CCSER1: variants seen among roughly 807,000 people sequenced by gnomAD.
CCSER1 encodes coiled-coil serine rich protein 1.
CCSER1 carries 41 observed loss-of-function variants against 82.0 expected under a neutral mutation model. The observed-to-expected ratio is 0.50, with a 90% confidence interval of 0.39 to 0.65. The LOEUF (loss-of-function observed/expected upper bound fraction) is 0.65. CCSER1 is among the 30% of genes least tolerant of loss of function. CCSER1 has a pLI of 0.00. For synonymous variants in CCSER1, 414 were observed against 383.9 expected (o/e 1.08, Z -0.92); for missense variants, 1,119 against 1,064.2 (o/e 1.05, Z -0.72).
chr4:90,769,880 T>C (rs1751813251), intron 7 of CCSER1, among the ~76,000 whole-genome samples: 2 of 152,180 alleles, frequency 1.3e-5, no homozygotes, highest in South Asian at 4.1e-4. Context: ...ACGCAGAGTA[T>C]AGTGATCCTC....
At chr4:90,535,388 CA>C (rs1775187104) in intron 5 of CCSER1, among the ~76,000 whole-genome samples, 1 of 151,920 alleles carries the variant, frequency 6.6e-6, no homozygotes, top group Non-Finnish European at 1.5e-5. Context: ...AATTTAAGAC[CA>C]GACCGGACAA....
chr4:90,429,669 G>T (rs1168047991), intron 4 of CCSER1, among the ~76,000 whole-genome samples: 2 of 151,880 alleles, frequency 1.3e-5, no homozygotes, highest in East Asian at 3.9e-4. Flanking sequence ...TATTTTAAGT[G>T]ACATAAGCAG....
intron 5 of CCSER1, among the ~76,000 whole-genome samples, chr4:90,511,992 G>A (rs1307037766): frequency 1.3e-5 from 2 of 152,046 alleles, no homozygotes; most frequent in South Asian, 2.1e-4. Flanking sequence ...TGAGAGTGAG[G>A]ATGAGATAAG....
intron 1 of CCSER1, among the ~76,000 whole-genome samples, chr4:90,260,391 A>G (rs2153448144): frequency 6.6e-6 from 1 of 152,114 alleles, no homozygotes; most frequent in East Asian, 1.9e-4. Context: ...CTGCTATCTC[A>G]TTTCTTTGGT....
At chr4:91,188,286 TCTATAACAATA>T (rs1456834176) in intron 10 of CCSER1, among the ~76,000 whole-genome samples, 10 of 152,304 alleles carry the variant, frequency 6.6e-5, no homozygotes, top group Non-Finnish European at 1.0e-4. Context: ...GGAAACATTG[TCTATAACAATA>T]CTATATGAGG....
intron 8 of CCSER1, among the ~76,000 whole-genome samples, chr4:90,852,827 T>C (rs1016418091): frequency 6.6e-6 from 1 of 152,184 alleles, no homozygotes; most frequent in Non-Finnish European, 1.5e-5. Flanking sequence ...TTCAGAAACA[T>C]ATAAAAGTTT....
chr4:91,402,508 T>C (rs1420431793), intron 10 of CCSER1, among the ~76,000 whole-genome samples: 1 of 152,196 alleles, frequency 6.6e-6, no homozygotes, highest in East Asian at 1.9e-4. Context: ...GGTTTTCTTC[T>C]AGAATTTTTA....
At chr4:90,750,106 G>C (rs538395761) in intron 7 of CCSER1, among the ~76,000 whole-genome samples, 12 of 151,970 alleles carry the variant, frequency 7.9e-5, no homozygotes, top group Middle Eastern at 3.4e-3. Context: ...AGAAGTGTCT[G>C]TTCATGTCCT....
intron 10 of CCSER1, among the ~76,000 whole-genome samples, chr4:91,207,193 A>C (rs1485371859): frequency 1.3e-5 from 2 of 151,836 alleles, no homozygotes; most frequent in East Asian, 3.9e-4. Flanking sequence ...AGAAGGAACA[A>C]TTAAGAGTTT....
chr4:90,591,394 C>G (rs1371791299), intron 5 of CCSER1, among the ~76,000 whole-genome samples: 6 of 152,122 alleles, frequency 3.9e-5, no homozygotes, highest in Non-Finnish European at 5.9e-5. Context: ...AGACACTTCT[C>G]AAAAGAAGAC....
intron 5 of CCSER1, among the ~76,000 whole-genome samples, chr4:90,535,528 C>A (rs1329871019): frequency 6.6e-6 from 1 of 152,134 alleles, no homozygotes; most frequent in Non-Finnish European, 1.5e-5. Flanking sequence ...ATATTGTTTA[C>A]ACTTAGCACA....
At chr4:91,116,710 G>A (rs1726644985) in intron 10 of CCSER1, among the ~76,000 whole-genome samples, 1 of 152,176 alleles carries the variant, frequency 6.6e-6, no homozygotes, top group Non-Finnish European at 1.5e-5. Flanking sequence ...GTTTAGGAAG[G>A]ATAGGAATAA....
intron 8 of CCSER1, among the ~76,000 whole-genome samples, chr4:90,850,204 A>G (rs1285438518): frequency 3.3e-5 from 5 of 152,198 alleles, no homozygotes; most frequent in Non-Finnish European, 7.4e-5. Context: ...TAGATTTCAG[A>G]GGATGTATGG....
At chr4:91,132,388 T>G (rs1728073899) in intron 10 of CCSER1, among the ~76,000 whole-genome samples, 1 of 152,208 alleles carries the variant, frequency 6.6e-6, no homozygotes, top group Non-Finnish European at 1.5e-5. Context: ...AATGCAGCAC[T>G]GCATCTAAAT....
chr4:91,517,124 T>C (rs1044118612), intron 10 of CCSER1, among the ~76,000 whole-genome samples: 2 of 152,174 alleles, frequency 1.3e-5, no homozygotes, highest in African/African-American at 4.8e-5. Flanking sequence ...TTTCAAGTTA[T>C]AGAATCCTGT....
chr4:91,391,031 C>T lies in CCSER1; in HGVS notation c.2218-207541C>T, dbSNP rs1022050987. ...GATCTTTTCAAGGATCATCTTTTGG[C>T]TTTGTTGATTTTCTCTATTTCCTGT... On this transcript the variant is annotated intron_variant, in intron 10 of 10. Coordinates refer to ENST00000509176, the MANE Select transcript of CCSER1 (RefSeq NM_001145065.2). Among the ~76,000 whole-genome samples, 18 of 151,552 alleles carry T rather than the reference C, an allele frequency of 1.2e-4. 1 individual carries two copies. The highest frequency in any genetic ancestry group is 2.7e-4 in the Non-Finnish European group (18 of 67,896).
At chr4:90,448,671 T>C (rs73833396) in intron 4 of CCSER1, among the ~76,000 whole-genome samples, 1 of 151,984 alleles carries the variant, frequency 6.6e-6, no homozygotes, top group African/African-American at 2.4e-5. Flanking sequence ...CCAAATTTAA[T>C]GAAAGTCTGC....
chr4:90,145,524 CA>C (rs1725646955), intron 1 of CCSER1, among the ~76,000 whole-genome samples: 2 of 152,086 alleles, frequency 1.3e-5, no homozygotes. Flanking sequence ...CCGTATTTAA[CA>C]TTTCAATATC....
Position 90,713,298 on chromosome 4 carries a change from A to G in CCSER1, c.1933-10616A>G, listed in dbSNP as rs546118907. Among the ~76,000 whole-genome samples the G allele has an allele frequency of 1.7e-4, 26 of 152,020 alleles. No homozygotes were observed. The East Asian group carries it at 4.8e-3, about 28-fold the overall frequency. ...GCTGGTAACAGTTTTTCCCTTCCCT[A>G]TCACGTGCTTCCTTCAGGAGCTCTT... On this transcript the variant is annotated intron_variant, in intron 6 of 10. Coordinates refer to ENST00000509176, the MANE Select transcript of CCSER1 (RefSeq NM_001145065.2).
Sources: allele counts gnomAD v4.1 joint callset (sites outside exome capture counted in the v4.1 genomes callset), GRCh38; gene constraint gnomAD v4.1.1; transcripts MANE v1.5; gene names NCBI Gene and HGNC (gene_info 2026-07-23, HGNC 2026-07-21).